SLCO1A2: variants seen among roughly 807,000 people sequenced by gnomAD.
The protein encoded by SLCO1A2 is OATP-1.
Under a neutral mutation model 69.0 loss-of-function variants are expected in SLCO1A2, and 67 were observed. The ratio of observed to expected loss-of-function variants is 0.97; its 90% CI spans 0.80 to 1.19. The LOEUF (loss-of-function observed/expected upper bound fraction) is 1.19, where lower values mean the gene tolerates loss of function less well. SLCO1A2 is among the 50% of genes most tolerant of loss of function. SLCO1A2 has a pLI of 0.00. For synonymous variants in SLCO1A2, 260 were observed against 265.9 expected (o/e 0.98, Z 0.22); for missense variants, 787 against 793.7 (o/e 0.99, Z 0.10).
chr12:21,405,078 C>CT (rs3060710), intron 1 of SLCO1A2, among the ~76,000 whole-genome samples: 98,004 of 144,036 alleles, frequency 0.68, 33,176 homozygotes, highest in Middle Eastern at 0.78. Context: ...TTTTTAATGG[C>CT]TTTTTTTTTT....
At chr12:21,358,338 T>C (rs1309304595) in intron 2 of SLCO1A2, among the ~76,000 whole-genome samples, 1 of 152,182 alleles carries the variant, frequency 6.6e-6, no homozygotes, top group African/African-American at 2.4e-5. Flanking sequence ...AGAAAAAGTA[T>C]TGTTTGATAC....
intron 6 of SLCO1A2, 64 bp downstream of exon 6, chr12:21,304,363 C>T (rs1949088081): frequency 7.6e-7 from 1 of 1,319,640 alleles, no homozygotes; most frequent in Admixed American, 2.0e-5. Flanking sequence ...AAAAATATAA[C>T]TAATTTCTAA....
intron 2 of SLCO1A2, among the ~76,000 whole-genome samples, chr12:21,371,860 T>C (rs1371220698): frequency 6.6e-6 from 1 of 151,642 alleles, no homozygotes; most frequent in African/African-American, 2.4e-5. Context: ...AAATTAGCCA[T>C]ACATGGTGAT....
intron 2 of SLCO1A2, among the ~76,000 whole-genome samples, chr12:21,356,409 G>A (rs1565513525): frequency 1.3e-5 from 2 of 151,830 alleles, no homozygotes; most frequent in Non-Finnish European, 2.9e-5. Flanking sequence ...TATATGCTGT[G>A]TATGACAGGG....
rs374183738 is a variant in SLCO1A2 at position 21,283,289 on chromosome 12, T to A, written c.1611-7865A>T. ...CATTCATCTATGGTGAACTCATTTT[T>A]GACAAAGATGCCAAGAATGTACATT... is the stretch of plus-strand genomic sequence containing the variant. On this transcript the variant is annotated intron_variant, in intron 12 of 14. Transcript: ENST00000683939. Among the ~76,000 whole-genome samples, 92 of 152,280 alleles carry A rather than the reference T, an allele frequency of 6.0e-4. No individual in the cohort carries two copies. In the South Asian group the frequency reaches 0.019, roughly 31 times the overall value.
chr12:21,374,746 C>G (rs1356727855), intron 1 of SLCO1A2, among the ~76,000 whole-genome samples: 1 of 152,038 alleles, frequency 6.6e-6, no homozygotes, highest in Non-Finnish European at 1.5e-5. Flanking sequence ...TATCTTGATA[C>G]TTTCTTTCAA....
chr12:21,360,838 G>A (rs1379756748), intron 2 of SLCO1A2, among the ~76,000 whole-genome samples: 2 of 152,228 alleles, frequency 1.3e-5, no homozygotes, highest in Non-Finnish European at 2.9e-5. Flanking sequence ...AAGGCTGGGG[G>A]AGGGGCGTCC....
chr12:21,377,782 A>C (rs1940309966), intron 1 of SLCO1A2, among the ~76,000 whole-genome samples: 1 of 152,238 alleles, frequency 6.6e-6, no homozygotes. Context: ...AATTATCTCA[A>C]GGAACTTAAA....
At chr12:21,298,659 G>A (rs965345384) in intron 8 of SLCO1A2, among the ~76,000 whole-genome samples, 1 of 152,152 alleles carries the variant, frequency 6.6e-6, no homozygotes, top group African/African-American at 2.4e-5. Flanking sequence ...AGTCACCCAT[G>A]TTTGTTGACA....
At chr12:21,288,827 A>T (rs1391222203) in intron 12 of SLCO1A2, among the ~76,000 whole-genome samples, 1 of 151,860 alleles carries the variant, frequency 6.6e-6, no homozygotes, top group Admixed American at 6.6e-5. Flanking sequence ...AATTAAAAAA[A>T]CTATATTTAT....
rs551724290 is a variant in SLCO1A2 at position 21,297,908 on chromosome 12, T to C, written c.911-340A>G. On this transcript the variant is annotated intron_variant, in intron 8 of 14. Coordinates refer to ENST00000683939, the MANE Select transcript of SLCO1A2 (RefSeq NM_001386879.1). ...TTATTACTAACCTTTTGTTCTTCTA[T>C]TAATATATTCTTTTTTCTACAGCTC... Among the ~76,000 whole-genome samples the C allele has an allele frequency of 1.5e-4, 23 of 152,312 alleles. No individual in the cohort carries two copies. In the East Asian group the frequency reaches 1.5e-3, roughly 10 times the overall value.
At position 21,294,068 on chromosome 12, in the gene SLCO1A2, A is replaced by G. The variant is rs1003258901; in HGVS notation, c.1314T>C (p.Asp438=). ...DLYVENDIFA[D]CNVDCNCPSK... is the part of the protein sequence containing the mutation. ...ATGGACAGTTGCAATCCACATTGCA[A>G]TCAGCAAAGATGTCATTTTCCACAT... Residue 438 remains aspartate (D), a synonymous_variant, in exon 11 of 15, where the codon GAT becomes GAC. Transcript: ENST00000683939. 3 of 1,607,620 alleles carry G rather than the reference A, an allele frequency of 1.9e-6. No homozygotes were observed. The African/African-American group carries it at 4.0e-5, about 22-fold the overall frequency.
chr12:21,286,169 T>C (rs1211080525), intron 12 of SLCO1A2, among the ~76,000 whole-genome samples: 1 of 142,602 alleles, frequency 7.0e-6, no homozygotes, highest in Non-Finnish European at 1.5e-5. Flanking sequence ...AGTCTCAGGA[T>C]ACAAAATCAA....
At chr12:21,392,582 A>C (rs1941215779) in intron 1 of SLCO1A2, among the ~76,000 whole-genome samples, 2 of 151,830 alleles carry the variant, frequency 1.3e-5, no homozygotes, top group African/African-American at 4.8e-5. Flanking sequence ...ACACAGCACA[A>C]CTCTCTCTAC....
intron 1 of SLCO1A2, among the ~76,000 whole-genome samples, chr12:21,383,604 A>T (rs952994413): frequency 6.6e-6 from 1 of 152,174 alleles, no homozygotes; most frequent in Non-Finnish European, 1.5e-5. Flanking sequence ...CATAGATAAG[A>T]GTCTCACACA....
intron 4 of SLCO1A2, among the ~76,000 whole-genome samples, chr12:21,314,281 C>G (rs7966334): frequency 0.95 from 144,447 of 152,278 alleles, 68,558 homozygotes; most frequent in East Asian, 1. Flanking sequence ...TCCCAAGTTT[C>G]GGCTGGTCCT....
chr12:21,397,638 G>A (rs1391774623), upstream of SLCO1A2, among the ~76,000 whole-genome samples: 4 of 151,854 alleles, frequency 2.6e-5, no homozygotes, highest in South Asian at 2.1e-4. Flanking sequence ...GCTCTCCTCA[G>A]CAAATGGAAA....
chr12:21,305,008 C>T (rs550336574), intron 5 of SLCO1A2, among the ~76,000 whole-genome samples: 37 of 152,324 alleles, frequency 2.4e-4, no homozygotes, highest in African/African-American at 8.7e-4. Context: ...ATATATTTCT[C>T]TAGAATTGGT....
chr12:21,416,549 C>T (rs1023558411), intron 1 of SLCO1A2, among the ~76,000 whole-genome samples: 9 of 152,152 alleles, frequency 5.9e-5, no homozygotes, highest in Admixed American at 3.3e-4. Flanking sequence ...GTATGTGTGA[C>T]CTGCTCATGC....
Sources: allele counts gnomAD v4.1 joint callset (sites outside exome capture counted in the v4.1 genomes callset), GRCh38; gene constraint gnomAD v4.1.1; transcripts MANE v1.5; gene names NCBI Gene and HGNC (gene_info 2026-07-23, HGNC 2026-07-21).